LINGO2: variants seen among roughly 807,000 people sequenced by gnomAD.
LINGO2 encodes leucine-rich repeat and immunoglobulin-like domain-containing nogo receptor-interacting protein 2.
In LINGO2, 14 loss-of-function variants were observed where a neutral mutation model predicts 30.6. The ratio of observed to expected loss-of-function variants is 0.46; its 90% CI spans 0.30 to 0.72. The LOEUF (loss-of-function observed/expected upper bound fraction) is 0.72, where lower values mean the gene tolerates loss of function less well. LINGO2 is among the 30% of genes least tolerant of loss of function. The pLI is 0.07. For synonymous variants in LINGO2, 317 were observed against 288.5 expected (o/e 1.10, Z -1.00); for missense variants, 729 against 751.7 (o/e 0.97, Z 0.35).
At chr9:29,002,112 T>G in the LINGO2 span, among the ~76,000 whole-genome samples, 1 of 152,006 alleles carries the variant, frequency 6.6e-6, no homozygotes, top group Non-Finnish European at 1.5e-5. Flanking sequence ...ACAATCTGAG[T>G]CTTTTAGTCA....
intron 5 of LINGO2, among the ~76,000 whole-genome samples, chr9:27,955,011 G>C (rs1165808954): frequency 6.6e-6 from 1 of 152,116 alleles, no homozygotes; most frequent in African/African-American, 2.4e-5. Flanking sequence ...CTGACGTTGA[G>C]CATGCATTTT....
At chr9:28,015,521 A>C (rs1822785671) in intron 4 of LINGO2, among the ~76,000 whole-genome samples, 1 of 152,100 alleles carries the variant, frequency 6.6e-6, no homozygotes, top group South Asian at 2.1e-4. Context: ...TTCTATGTTT[A>C]AATTCCGTGT....
intron 4 of LINGO2, among the ~76,000 whole-genome samples, chr9:28,185,221 G>A (rs931157334): frequency 6.6e-5 from 10 of 152,160 alleles, no homozygotes; most frequent in African/African-American, 2.2e-4. Flanking sequence ...GTTCACCAGT[G>A]TGCAGACATT....
At chr9:29,208,237 G>T in the LINGO2 span, among the ~76,000 whole-genome samples, 1 of 151,808 alleles carries the variant, frequency 6.6e-6, no homozygotes, top group South Asian at 2.1e-4. Flanking sequence ...ACAAGAAGAA[G>T]AAAAATGTAG....
At chr9:28,880,924 G>A in the LINGO2 span, among the ~76,000 whole-genome samples, 5 of 152,228 alleles carry the variant, frequency 3.3e-5, no homozygotes, top group East Asian at 9.7e-4. Context: ...ACCTTCCCTT[G>A]AACTTAATTA....
At chr9:28,528,914 C>T (rs1465508028) in intron 1 of LINGO2, among the ~76,000 whole-genome samples, 4 of 152,060 alleles carry the variant, frequency 2.6e-5, no homozygotes, top group Non-Finnish European at 5.9e-5. Flanking sequence ...TCACTAGCTA[C>T]TTTAAAATTC....
chr9:28,131,878 C>T (rs1202529724), intron 4 of LINGO2, among the ~76,000 whole-genome samples: 4 of 152,132 alleles, frequency 2.6e-5, no homozygotes, highest in African/African-American at 9.7e-5. Context: ...AAAGATATGC[C>T]TAGGGTGAAA....
intron 2 of LINGO2, among the ~76,000 whole-genome samples, chr9:28,467,034 TTGG>T (rs1825336229): frequency 7.0e-6 from 1 of 143,474 alleles, no homozygotes; most frequent in Non-Finnish European, 1.5e-5. Flanking sequence ...CTCTTTTTTT[TTGG>T]GGGGGGGGGA....
chr9:29,005,089 G>C, the LINGO2 span, among the ~76,000 whole-genome samples: 1 of 151,964 alleles, frequency 6.6e-6, no homozygotes. Context: ...ATGTATCATA[G>C]AGTTATCATG....
the LINGO2 span, among the ~76,000 whole-genome samples, chr9:29,074,678 CTTTTTT>C: frequency 2.7e-4 from 24 of 88,026 alleles, no homozygotes; most frequent in Non-Finnish European, 3.4e-4. Flanking sequence ...AAATTACTTA[CTTTTTT>C]TTTTTTTTTT....
intron 4 of LINGO2, among the ~76,000 whole-genome samples, chr9:28,134,136 A>G (rs1489832263): frequency 1.3e-5 from 2 of 152,108 alleles, no homozygotes; most frequent in Non-Finnish European, 2.9e-5. Flanking sequence ...CTGCCATACT[A>G]CAATCTTGGC....
At chr9:28,009,537 TA>T (rs1448998471) in intron 5 of LINGO2, among the ~76,000 whole-genome samples, 1 of 151,900 alleles carries the variant, frequency 6.6e-6, no homozygotes, top group Non-Finnish European at 1.5e-5. Flanking sequence ...ATAACCCAAT[TA>T]AAAATAGACA....
intron 2 of LINGO2, among the ~76,000 whole-genome samples, chr9:28,413,445 T>C (rs566078932): frequency 6.6e-6 from 1 of 152,148 alleles, no homozygotes; most frequent in African/African-American, 2.4e-5. Context: ...GCAAACGTAA[T>C]TAAAGAAAAG....
chr9:28,062,058 A>G (rs1009009816), intron 4 of LINGO2, among the ~76,000 whole-genome samples: 6 of 152,102 alleles, frequency 3.9e-5, no homozygotes, highest in Non-Finnish European at 8.8e-5. Context: ...CACTTAGTCT[A>G]AACTTCCAGA....
At chr9:28,999,836 A>G in the LINGO2 span, among the ~76,000 whole-genome samples, 2 of 151,994 alleles carry the variant, frequency 1.3e-5, no homozygotes, top group South Asian at 4.1e-4. Context: ...AAATTATGCA[A>G]ATTTGGAGCT....
chr9:28,700,988 A>G, the LINGO2 span, among the ~76,000 whole-genome samples: 1 of 152,036 alleles, frequency 6.6e-6, no homozygotes, highest in Non-Finnish European at 1.5e-5. Context: ...TCTTTTGCCC[A>G]CTTTTCTTTG....
At chr9:28,584,246 A>C (rs552329753) in intron 1 of LINGO2, among the ~76,000 whole-genome samples, 3 of 152,210 alleles carry the variant, frequency 2.0e-5, no homozygotes, top group South Asian at 2.1e-4. Flanking sequence ...TGAGCAATTA[A>C]AATATTTTTG....
chr9:29,028,067 G>A, the LINGO2 span, among the ~76,000 whole-genome samples: 426 of 152,132 alleles, frequency 2.8e-3, 3 homozygotes, highest in African/African-American at 9.7e-3. Flanking sequence ...TGTATTCCTG[G>A]ACTGTAGTGT....
At chr9:28,691,932 AG>A in the LINGO2 span, among the ~76,000 whole-genome samples, 1 of 152,172 alleles carries the variant, frequency 6.6e-6, no homozygotes, top group East Asian at 1.9e-4. Context: ...TAAACAAGCT[AG>A]GATGGGTGAG....
Sources: gnomAD v4.1 joint callset for allele counts (sites outside exome capture counted in the v4.1 genomes callset) on GRCh38, gnomAD v4.1.1 for gene constraint, MANE v1.5 for transcripts, NCBI Gene and HGNC (gene_info 2026-07-23, HGNC 2026-07-21) for gene names.